The following PRDM2 variants were observed in gnomAD, a reference collection of about 807,000 sequenced individuals.
The protein encoded by PRDM2 is PR/SET domain 2, also known as PR domain zinc finger protein 2.
In PRDM2, 30 loss-of-function variants were observed where a neutral mutation model predicts 130.0. That is an observed-to-expected ratio of 0.23 (90% CI 0.17 to 0.31). PRDM2 has a LOEUF of 0.31. Ranked by LOEUF, PRDM2 falls within the 10% of genes least tolerant of loss-of-function variation. PRDM2 has a pLI of 1.00. For missense variants in PRDM2, 2,011 were observed against 2,108.4 expected (o/e 0.95, Z 0.90); for synonymous variants, 871 against 782.4 (o/e 1.11, Z -1.89).
At chr1:13,713,907 C>T (rs1304982016) in intron 1 of PRDM2, among the ~76,000 whole-genome samples, 4 of 151,842 alleles carry the variant, frequency 2.6e-5, no homozygotes, top group African/African-American at 9.7e-5. Context: ...CTCGCTCTGT[C>T]GCCCAGGCTG....
intron 8 of PRDM2, among the ~76,000 whole-genome samples, chr1:13,785,876 T>C (rs1421432223): frequency 6.7e-6 from 1 of 150,026 alleles, no homozygotes; most frequent in Admixed American, 6.6e-5. Context: ...TCTCGCTCCG[T>C]TGCCCAGGCT....
chr1:13,822,437 C>T (rs1645367768), intron 9 of PRDM2, among the ~76,000 whole-genome samples: 1 of 147,456 alleles, frequency 6.8e-6, no homozygotes, highest in East Asian at 2.0e-4. Flanking sequence ...GCTCTGTCTC[C>T]CAGGCTGGAG....
intron 8 of PRDM2, among the ~76,000 whole-genome samples, chr1:13,808,369 CAGG>C (rs1239347967): frequency 6.7e-6 from 1 of 148,336 alleles, no homozygotes; most frequent in African/African-American, 2.5e-5. Context: ...CGGGCTGAGG[CAGG>C]AGAATGGCGT....
At chr1:13,722,769 T>C (rs1375869051) in intron 2 of PRDM2, 2 of 494,056 alleles carry the variant, frequency 4.0e-6, no homozygotes, top group East Asian at 5.6e-5. Context: ...TTTTCTTTGC[T>C]TCTCTTGAAC....
intron 4 of PRDM2, among the ~76,000 whole-genome samples, chr1:13,733,509 C>T (rs926751076): frequency 6.6e-6 from 1 of 152,182 alleles, no homozygotes; most frequent in Admixed American, 6.5e-5. Flanking sequence ...AACTAGAATG[C>T]ATCTCTCCTG....
At chr1:13,750,654 A>G (rs187400257) in intron 6 of PRDM2, among the ~76,000 whole-genome samples, 21 of 152,308 alleles carry the variant, frequency 1.4e-4, no homozygotes, top group African/African-American at 5.0e-4. Flanking sequence ...CCCCCGTGAA[A>G]CAGTTAGTAG....
chr1:13,777,927 G>A (rs1018332315), intron 7 of PRDM2, among the ~76,000 whole-genome samples: 1 of 152,122 alleles, frequency 6.6e-6, no homozygotes, highest in Non-Finnish European at 1.5e-5. Context: ...TTATTTAAGA[G>A]GGAGAGAGGA....
chr1:13,778,379 T>C, intron 7 of PRDM2, 39 bp from the exon 8 acceptor site: 1 of 1,535,908 alleles, frequency 6.5e-7, no homozygotes, highest in Non-Finnish European at 8.7e-7. Flanking sequence ...TGGTTTCCCA[T>C]GCTTCACTTC....
At chr1:13,732,699 G>A in intron 3 of PRDM2, 80 bp from the exon 4 acceptor site, 7 of 1,021,740 alleles carry the variant, frequency 6.9e-6, no homozygotes, top group Middle Eastern at 4.9e-4. Flanking sequence ...TAACTGTTTT[G>A]TGAAACTTAA....
At chr1:13,787,520 A>C in intron 8 of PRDM2, 1 of 983,724 alleles carries the variant, frequency 1.0e-6, no homozygotes, top group Non-Finnish European at 1.2e-6. Context: ...TTGTAGTTTA[A>C]TATTTGTTTG....
chr1:13,774,485 AT>A (rs1644427793), intron 7 of PRDM2, among the ~76,000 whole-genome samples: 1 of 152,190 alleles, frequency 6.6e-6, no homozygotes, highest in Admixed American at 6.5e-5. Flanking sequence ...AGTCAAGTTC[AT>A]TTCCCAGAGT....
At position 13,780,548 on chromosome 1, in the gene PRDM2, C is replaced by G. The variant is rs750163158; in HGVS notation, c.2753C>G (p.Ser918Cys). 1.9e-6 allele frequency: 3 copies of G among 1,614,040 alleles called. No individual in the cohort carries two copies. The African/African-American group carries it at 4.0e-5, about 22-fold the overall frequency. The change falls in exon 8 of 10, where the codon TCC (serine) becomes TGC (cysteine). Residue 918 changes from serine to cysteine, a missense_variant. By Grantham distance (112) the Ser-to-Cys change is moderately radical. Transcript: ENST00000311066. ...ACCAGGAGCCCAAGTCCTTGTAAATCCCTAGAAGCTCAGCCAGATCCTGAC... is the reference window on the plus strand; with the variant it reads ...ACCAGGAGCCCAAGTCCTTGTAAATGCCTAGAAGCTCAGCCAGATCCTGAC... The part of the protein sequence containing the change: ...DGTRSPSPCK[S>C]LEAQPDPDLG...
chr1:13,775,375 T>G lies in PRDM2; in HGVS notation c.622+2187T>G, dbSNP rs562542366. Among the ~76,000 whole-genome samples the G allele has an allele frequency of 1.2e-3, 178 of 152,372 alleles. 3 individuals are homozygous for G. The South Asian group carries it at 0.036, about 31-fold the overall frequency. On this transcript the variant is annotated intron_variant, in intron 7 of 9. Transcript: ENST00000311066. ...GCCTTAGAGTTGGCGTTTTCTGTTGTCTCATTTCAACTCTTTTGGCAGTAT... is the reference window on the plus strand; with the variant it reads ...GCCTTAGAGTTGGCGTTTTCTGTTGGCTCATTTCAACTCTTTTGGCAGTAT...
chr1:13,782,879 TC>T (rs751063140), intron 8 of PRDM2, 48 bp downstream of exon 8: 1 of 1,600,108 alleles, frequency 6.2e-7, no homozygotes, highest in Non-Finnish European at 8.5e-7. Context: ...GGCGACAGTA[TC>T]CTTGCCTACG....
chr1:13,773,454 G>C lies in PRDM2; in HGVS notation c.622+266G>C, dbSNP rs112791577. The C allele has an allele frequency of 3.6e-3, 789 of 219,296 alleles. 9 individuals carry two copies. The highest frequency in any genetic ancestry group is 0.017 in the African/African-American group (742 of 44,128). The allele number at this position is 219,296 out of a possible 1,614,324, so 13.6% of individuals were successfully genotyped here. A position where few individuals can be genotyped will look rare whatever the true frequency, so the allele number is the denominator to read the frequency against. On this transcript the variant is annotated intron_variant, in intron 7 of 9. Transcript: ENST00000311066. ...AGACCAGGTGTGGTGGCTCACACCT[G>C]TAATCCCAGCACTTTGGGAGGCTGA...
At chr1:13,750,247 A>C (rs761975333) in intron 6 of PRDM2, among the ~76,000 whole-genome samples, 1 of 151,604 alleles carries the variant, frequency 6.6e-6, no homozygotes, top group African/African-American at 2.4e-5. Flanking sequence ...GGGCATACTG[A>C]CACGTTGGGG....
chr1:13,805,626 T>C (rs1398592708), intron 8 of PRDM2, among the ~76,000 whole-genome samples: 1 of 152,206 alleles, frequency 6.6e-6, no homozygotes, highest in Non-Finnish European at 1.5e-5. Context: ...CCCTCTGCCT[T>C]TCCCCTACCT....
At chr1:13,717,356 A>G in intron 2 of PRDM2, 1 of 943,784 alleles carries the variant, frequency 1.1e-6, no homozygotes. Context: ...TGGTCACCCA[A>G]AGGAGCTCGG....
intron 6 of PRDM2, among the ~76,000 whole-genome samples, chr1:13,767,057 A>G (rs1644243373): frequency 6.6e-6 from 1 of 152,218 alleles, no homozygotes; most frequent in Admixed American, 6.5e-5. Context: ...TATCCCAGGC[A>G]TCAGTGGTAT....
Sources: gnomAD v4.1 joint callset for allele counts (sites outside exome capture counted in the v4.1 genomes callset) on GRCh38, gnomAD v4.1.1 for gene constraint, MANE v1.5 for transcripts, NCBI Gene and HGNC (gene_info 2026-07-23, HGNC 2026-07-21) for gene names.